Variants in DYNLL1 observed in about 807,000 individuals in gnomAD.
DYNLL1 encodes the protein dynein light chain LC8-type 1.
Under a neutral mutation model 10.1 loss-of-function variants are expected in DYNLL1, and 3 were observed. The observed-to-expected ratio is 0.30, with a 90% CI of 0.14 to 0.77. The LOEUF (loss-of-function observed/expected upper bound fraction) is 0.77, where lower values mean the gene tolerates loss of function less well. DYNLL1 is among the 30% of genes least tolerant of loss of function. DYNLL1 has a pLI of 0.66. For synonymous variants in DYNLL1, 46 were observed against 41.2 expected (o/e 1.12, Z -0.45); for missense variants, 47 against 111.7 (o/e 0.42, Z 2.61).
At chr12:120,482,116 T>C (rs1378998798) in intron 1 of DYNLL1, among the ~76,000 whole-genome samples, 1 of 152,174 alleles carries the variant, frequency 6.6e-6, no homozygotes, top group Non-Finnish European at 1.5e-5. Context: ...GTCTACAAAC[T>C]GATTCTAAAA....
intron 2 of DYNLL1, 22 bp downstream of exon 2, chr12:120,496,575 G>T: frequency 6.2e-7 from 1 of 1,613,676 alleles, no homozygotes; most frequent in Non-Finnish European, 8.5e-7. Flanking sequence ...CGCGGGGGCC[G>T]ATACGCAGCC....
chr12:120,479,449 C>CAAAAAAAAAAAAAAAAAA (rs71076617), intron 1 of DYNLL1, among the ~76,000 whole-genome samples: 4 of 76,088 alleles, frequency 5.3e-5, no homozygotes, highest in Admixed American at 1.7e-4. Context: ...ACTCCGTCTC[C>CAAAAAAAAAAAAAAAAAA]AAAAAAAAAA....
chr12:120,477,856 G>A (rs564485957), intron 1 of DYNLL1, among the ~76,000 whole-genome samples: 2 of 152,196 alleles, frequency 1.3e-5, no homozygotes, highest in African/African-American at 4.8e-5. Context: ...GAGTGCAATG[G>A]TGCGATGTCA....
intron 1 of DYNLL1, among the ~76,000 whole-genome samples, chr12:120,475,833 T>C (rs946674385): frequency 1.3e-5 from 2 of 152,170 alleles, no homozygotes; most frequent in Admixed American, 6.5e-5. Flanking sequence ...TTTACAGCCC[T>C]ATGGTACTGG....
chr12:120,479,388 AG>A (rs1265063065), intron 1 of DYNLL1, among the ~76,000 whole-genome samples: 5 of 135,218 alleles, frequency 3.7e-5, no homozygotes, highest in Non-Finnish European at 7.8e-5. Context: ...CGGGAGGCGG[AG>A]GTTGTGGTCA....
chr12:120,482,369 C>T (rs984194409), intron 1 of DYNLL1, among the ~76,000 whole-genome samples: 1 of 151,048 alleles, frequency 6.6e-6, no homozygotes, highest in Non-Finnish European at 1.5e-5. Context: ...ATCGCCCAGG[C>T]TGTAGTGCAG....
At chr12:120,473,713 A>AT (rs1878698114) in intron 1 of DYNLL1, among the ~76,000 whole-genome samples, 1 of 149,010 alleles carries the variant, frequency 6.7e-6, no homozygotes, top group South Asian at 2.1e-4. Context: ...AAAAAAAAAA[A>AT]TTAAAAAATT....
intron 1 of DYNLL1, among the ~76,000 whole-genome samples, chr12:120,475,300 G>A (rs181507747): frequency 3.3e-5 from 5 of 152,178 alleles, no homozygotes; most frequent in African/African-American, 7.2e-5. Context: ...GTAGCAGCTC[G>A]GTTGCTTTAT....
intron 1 of DYNLL1, among the ~76,000 whole-genome samples, chr12:120,479,464 AAAAAAATAAT>A (rs1177717440): frequency 6.9e-5 from 9 of 131,002 alleles, no homozygotes; most frequent in African/African-American, 1.3e-4. Flanking sequence ...AAAAAAAAAA[AAAAAAATAAT>A]AATAATAATA....
At chr12:120,478,712 G>A (rs909304940) in intron 1 of DYNLL1, among the ~76,000 whole-genome samples, 3 of 149,856 alleles carry the variant, frequency 2.0e-5, no homozygotes, top group African/African-American at 7.3e-5. Context: ...ATGAGATGGA[G>A]TCTCAATCTG....
intron 1 of DYNLL1, among the ~76,000 whole-genome samples, chr12:120,474,437 C>A (rs686450): frequency 0.42 from 58,267 of 137,956 alleles, 13,791 homozygotes; most frequent in African/African-American, 0.69. Context: ...CTGAAAAAAA[C>A]AACATAAAAA....
chr12:120,473,868 G>A (rs991889769), intron 1 of DYNLL1, among the ~76,000 whole-genome samples: 1 of 152,046 alleles, frequency 6.6e-6, no homozygotes, highest in Non-Finnish European at 1.5e-5. Flanking sequence ...TACTTAAGAG[G>A]CTGAGGTGGG....
Position 120,498,141 on chromosome 12 carries a change from A to G in DYNLL1, c.201A>G (p.Thr67=). 6.2e-7 allele frequency: 1 copy of G among 1,614,232 alleles called. No individual in the cohort carries two copies. Among genetic ancestry groups the G allele is most frequent in the Middle Eastern group, 1.6e-4 (1 of 6,062 alleles). ...IVGRNFGSYV[T]HETKHFIYFY... ...GGAGGAACTTCGGTAGTTATGTGAC[A>G]CATGAAACCAAACACTTCATCTACT... is the stretch of plus-strand genomic sequence containing the variant. Residue 67 remains threonine, a synonymous_variant, in exon 3 of 3, where the codon ACA becomes ACG. Coordinates refer to ENST00000242577, the MANE Select transcript of DYNLL1 (RefSeq NM_003746.3).
intron 1 of DYNLL1, among the ~76,000 whole-genome samples, chr12:120,479,468 A>ATAATAATAATAAT (rs1272081996): frequency 2.3e-4 from 25 of 109,596 alleles, no homozygotes; most frequent in African/African-American, 8.6e-4. Context: ...AAAAAAAAAA[A>ATAATAATAATAAT]AATAATAATA....
chr12:120,488,350 A>G (rs1298638349), intron 1 of DYNLL1, among the ~76,000 whole-genome samples: 1 of 151,896 alleles, frequency 6.6e-6, no homozygotes, highest in Non-Finnish European at 1.5e-5. Context: ...GCTTGTATAG[A>G]TTGTTCCTCT....
At chr12:120,474,834 G>A (rs1878720831) in intron 1 of DYNLL1, among the ~76,000 whole-genome samples, 1 of 152,178 alleles carries the variant, frequency 6.6e-6, no homozygotes, top group Admixed American at 6.6e-5. Flanking sequence ...GGAGAGCTAT[G>A]GAATGAGTCA....
chr12:120,488,477 G>C (rs1879045538), intron 1 of DYNLL1: 1 of 152,164 alleles, frequency 6.6e-6, no homozygotes, highest in Admixed American at 6.6e-5. Flanking sequence ...CTGTGATCCT[G>C]TGTGCATCCT....
At chr12:120,486,765 C>T (rs1879002996) in intron 1 of DYNLL1, among the ~76,000 whole-genome samples, 1 of 152,056 alleles carries the variant, frequency 6.6e-6, no homozygotes, top group Non-Finnish European at 1.5e-5. Flanking sequence ...AGACACTGCA[C>T]CTGGAGTGCA....
intron 1 of DYNLL1, among the ~76,000 whole-genome samples, chr12:120,481,167 T>C (rs1217633659): frequency 1.3e-5 from 2 of 152,232 alleles, no homozygotes; most frequent in Non-Finnish European, 2.9e-5. Flanking sequence ...TGTGATGTCT[T>C]ATCTTTGACA....
Sources: allele counts gnomAD v4.1 joint callset (sites outside exome capture counted in the v4.1 genomes callset), GRCh38; gene constraint gnomAD v4.1.1; transcripts MANE v1.5; gene names NCBI Gene and HGNC (gene_info 2026-07-23, HGNC 2026-07-21).